SPTBN1: variants seen among roughly 807,000 people sequenced by gnomAD.
SPTBN1 encodes the protein spectrin beta, non-erythrocytic 1.
In SPTBN1, 32 loss-of-function variants were observed where a neutral mutation model predicts 266.4. The ratio of observed to expected loss-of-function variants is 0.12; its 90% CI spans 0.09 to 0.16. SPTBN1 has a LOEUF of 0.16. SPTBN1 is among the 10% of genes least tolerant of loss of function. The pLI is 1.00. For missense variants in SPTBN1, 2,296 were observed against 3,067.1 expected, an observed-to-expected ratio of 0.75 and a Z score of 5.94; for synonymous variants, 1,336 against 1,162.2, an observed-to-expected ratio of 1.15 and a Z score of -3.04.
intron 16 of SPTBN1, among the ~76,000 whole-genome samples, chr2:54,632,290 G>T (rs915919712): frequency 1.3e-5 from 2 of 152,114 alleles, no homozygotes; most frequent in Non-Finnish European, 2.9e-5. Flanking sequence ...TGATAGGCAC[G>T]TGAGAGGACC....
intron 4 of SPTBN1, 32 bp from the exon 5 acceptor site, chr2:54,616,174 TC>T: frequency 1.9e-6 from 3 of 1,596,122 alleles, no homozygotes; most frequent in Admixed American, 3.3e-5. Context: ...AGCTGACCCA[TC>T]TATTTGTCTA....
In SPTBN1 at chr2:54,647,000, C is replaced by T. The variant is rs1019764641; in HGVS notation, c.4867-131C>T. On this transcript the variant is annotated intron_variant, in intron 23 of 35. Transcript: ENST00000356805. The surrounding 1 kb of genome is among the most constrained non-coding windows in gnomAD (Gnocchi z 4.4). ...TGGAACACTTCTGTGTTCCACTGTC[C>T]GTACTGCACCTCTGGAGTTTTTCTT... 107 of 1,326,936 alleles carry T rather than the reference C, an allele frequency of 8.1e-5. 1 individual carries two copies. Among genetic ancestry groups the T allele is most frequent in the Non-Finnish European group, 8.4e-5 (81 of 964,840 alleles). 82.2% of individuals were successfully genotyped at this position (1,326,936 alleles called of 1,614,324 possible).
chr2:54,476,972 T>G (rs1018053826), intron 1 of SPTBN1, among the ~76,000 whole-genome samples: 2 of 151,736 alleles, frequency 1.3e-5, no homozygotes, highest in Non-Finnish European at 2.9e-5. Context: ...TTAGTGGTTA[T>G]AAAAAAATTA....
At chr2:54,492,345 T>TTTG (rs1558775118) in intron 1 of SPTBN1, among the ~76,000 whole-genome samples, 2 of 149,012 alleles carry the variant, frequency 1.3e-5, no homozygotes, top group African/African-American at 5.0e-5. Context: ...GCAGTTGTTT[T>TTTG]TTTGTTTTTT....
chr2:54,620,977 A>G (rs1014246496), intron 7 of SPTBN1, among the ~76,000 whole-genome samples: 3 of 152,202 alleles, frequency 2.0e-5, no homozygotes, highest in African/African-American at 7.2e-5. Flanking sequence ...GGTCTGAAAC[A>G]TGAGTGACAA....
chr2:54,471,540 T>A (rs1470137238), intron 1 of SPTBN1, among the ~76,000 whole-genome samples: 1 of 151,258 alleles, frequency 6.6e-6, no homozygotes, highest in African/African-American at 2.4e-5. Flanking sequence ...GGCAGGTTGG[T>A]TGTGTAATGC....
chr2:54,659,364 A>G (rs1473613085), intron 31 of SPTBN1, 98 bp downstream of exon 31: 14 of 1,152,302 alleles, frequency 1.2e-5, no homozygotes, highest in Non-Finnish European at 1.7e-5. Flanking sequence ...AGGCCTAACC[A>G]CATGCCCTGC....
At chr2:54,476,569 G>A (rs574370181) in intron 1 of SPTBN1, among the ~76,000 whole-genome samples, 7 of 152,312 alleles carry the variant, frequency 4.6e-5, no homozygotes, top group African/African-American at 1.7e-4. Context: ...TCTGGAGGTG[G>A]AGAGTAACAT....
At chr2:54,635,880 C>T (rs1372597492) in intron 17 of SPTBN1, among the ~76,000 whole-genome samples, 2 of 152,240 alleles carry the variant, frequency 1.3e-5, no homozygotes, top group African/African-American at 4.8e-5. Flanking sequence ...TTTGACATTC[C>T]TAACCCATCC....
At chr2:54,519,992 G>A (rs1413689453) in intron 1 of SPTBN1, among the ~76,000 whole-genome samples, 1 of 152,142 alleles carries the variant, frequency 6.6e-6, no homozygotes, top group Non-Finnish European at 1.5e-5. Flanking sequence ...TGTGAGTTCG[G>A]TGTTCGACAG....
At chr2:54,559,772 C>G (rs1413247023) in intron 2 of SPTBN1, among the ~76,000 whole-genome samples, 2 of 152,180 alleles carry the variant, frequency 1.3e-5, no homozygotes, top group African/African-American at 2.4e-5. Context: ...GGGAATGGCT[C>G]TAGCACTGTA....
At chr2:54,581,506 ACTC>A (rs1471559248) in intron 2 of SPTBN1, among the ~76,000 whole-genome samples, 2 of 140,502 alleles carry the variant, frequency 1.4e-5, no homozygotes, top group Non-Finnish European at 3.0e-5. Flanking sequence ...TGCTTTGCTC[ACTC>A]CTCCTAGGCA....
At chr2:54,531,827 G>A (rs1177180070) in intron 2 of SPTBN1, among the ~76,000 whole-genome samples, 1 of 151,942 alleles carries the variant, frequency 6.6e-6, no homozygotes, top group Non-Finnish European at 1.5e-5. Flanking sequence ...ATGATCAGGA[G>A]GAAATACAGA....
At chr2:54,657,774 A>C in intron 29 of SPTBN1, 76 bp from the exon 30 acceptor site, 2 of 1,561,956 alleles carry the variant, frequency 1.3e-6, no homozygotes, top group Non-Finnish European at 8.8e-7. Context: ...AGAGGGCAGC[A>C]GTGCCAAGAG....
At chr2:54,659,900 C>G (rs754648987) in intron 31 of SPTBN1, 36 bp from the exon 32 acceptor site, 1 of 1,604,398 alleles carries the variant, frequency 6.2e-7, no homozygotes. Context: ...TCCTCTTCTT[C>G]CTTTCCCTTC....
intron 1 of SPTBN1, 115 bp from the exon 2 acceptor site, chr2:54,526,257 A>G: frequency 3.8e-6 from 3 of 789,686 alleles, no homozygotes; most frequent in Non-Finnish European, 5.8e-6. Flanking sequence ...TTGCTCCAGA[A>G]GACCTATTCT....
chr2:54,483,463 T>C (rs1430927433), intron 1 of SPTBN1, among the ~76,000 whole-genome samples: 2 of 152,168 alleles, frequency 1.3e-5, no homozygotes, highest in Admixed American at 1.3e-4. Context: ...AGGACCTTTT[T>C]GGAGATTGTT....
At chr2:54,472,562 A>G (rs1471123986) in intron 1 of SPTBN1, among the ~76,000 whole-genome samples, 1 of 152,046 alleles carries the variant, frequency 6.6e-6, no homozygotes, top group East Asian at 1.9e-4. Flanking sequence ...GTAGTCTCTC[A>G]ATTTTTTTCA....
chr2:54,529,597 G>A (rs928747962), intron 2 of SPTBN1: 3 of 722,370 alleles, frequency 4.2e-6, no homozygotes, highest in Non-Finnish European at 5.1e-6. Flanking sequence ...TGACCACTGA[G>A]TTTGCCATGA....
Sources: gnomAD v4.1 joint callset for allele counts (sites outside exome capture counted in the v4.1 genomes callset) on GRCh38, gnomAD v4.1.1 for gene constraint, Gnocchi (gnomAD v3.1) non-coding constraint, MANE v1.5 for transcripts, NCBI Gene and HGNC (gene_info 2026-07-23, HGNC 2026-07-21) for gene names.